SIMC1: variants seen among roughly 807,000 people sequenced by gnomAD.
The protein encoded by SIMC1 is SUMO interacting motifs containing 1.
Under a neutral mutation model 82.3 loss-of-function variants are expected in SIMC1, and 55 were observed. The observed-to-expected ratio is 0.67, with a 90% CI of 0.54 to 0.84. The LOEUF is 0.84. Ranked by LOEUF, SIMC1 falls within the 40% of genes least tolerant of loss-of-function variation. The probability of loss-of-function intolerance (pLI) is 0.00; values close to 1 mark genes in which losing one functional copy is unlikely to be tolerated. For synonymous variants in SIMC1, 353 were observed against 426.3 expected (o/e 0.83, Z 2.12); for missense variants, 915 against 1,107.2 (o/e 0.83, Z 2.46).
chr5:176,324,791 T>A (rs779298779), intron 7 of SIMC1, 34 bp downstream of exon 7: 3 of 1,509,474 alleles, frequency 2.0e-6, no homozygotes, highest in Non-Finnish European at 2.6e-6. Context: ...GAGCAGTTAT[T>A]TAAAAAAAAA....
intron 5 of SIMC1, among the ~76,000 whole-genome samples, chr5:176,321,305 G>C (rs342013): frequency 6.6e-6 from 1 of 151,748 alleles, no homozygotes; most frequent in Non-Finnish European, 1.5e-5. Context: ...TATATTGATA[G>C]TCATATTCAT....
chr5:176,309,847 A>G (rs1764588465), intron 4 of SIMC1, among the ~76,000 whole-genome samples: 1 of 152,144 alleles, frequency 6.6e-6, no homozygotes, highest in Admixed American at 6.5e-5. Flanking sequence ...AGGCAGGAGG[A>G]TCACTTGAGC....
intron 1 of SIMC1, among the ~76,000 whole-genome samples, chr5:176,269,282 AGATT>A (rs1343843972): frequency 1.3e-5 from 2 of 152,152 alleles, no homozygotes; most frequent in African/African-American, 2.4e-5. Context: ...ATATCTAGCT[AGATT>A]GATCAGGGAT....
At position 176,336,634 on chromosome 5, in the gene SIMC1, ATGT is replaced by A. The variant is rs1765907990; in HGVS notation, c.2172-82_2172-80del. The A allele has an allele frequency of 2.6e-6, 4 of 1,527,750 alleles. 1 individual carries two copies. In the South Asian group the frequency reaches 3.8e-5, roughly 14 times the overall value. 94.6% of individuals were successfully genotyped at this position (1,527,750 alleles called of 1,614,324 possible). On this transcript the variant is annotated intron_variant, in intron 7 of 9. Coordinates refer to ENST00000429602, the MANE Select transcript of SIMC1 (RefSeq NM_001308195.2). ...TTCTTAACTGTCTTTTTTAGGACAAATGTTGTACATTCAGGGTGAATTGTGGCT... is the reference window on the plus strand; with the variant it reads ...TTCTTAACTGTCTTTTTTAGGACAAATGTACATTCAGGGTGAATTGTGGCT...
At chr5:176,248,610 C>T (rs542504961) in intron 1 of SIMC1, among the ~76,000 whole-genome samples, 1 of 152,196 alleles carries the variant, frequency 6.6e-6, no homozygotes, top group African/African-American at 2.4e-5. Context: ...CTTTCTCTTG[C>T]CTGATTTCCC....
chr5:176,333,161 G>A (rs1169132815), intron 7 of SIMC1, among the ~76,000 whole-genome samples: 3 of 151,894 alleles, frequency 2.0e-5, no homozygotes, highest in South Asian at 4.2e-4. Context: ...AAAATTAGCT[G>A]GGCGTGGTGG....
chr5:176,276,895 C>G (rs1259263519), intron 1 of SIMC1, among the ~76,000 whole-genome samples: 1 of 149,962 alleles, frequency 6.7e-6, no homozygotes, highest in Non-Finnish European at 1.5e-5. Flanking sequence ...GTGAATAATG[C>G]CGCAGTAAAC....
intron 1 of SIMC1, among the ~76,000 whole-genome samples, chr5:176,273,508 A>T (rs1166579582): frequency 6.6e-6 from 1 of 152,136 alleles, no homozygotes; most frequent in East Asian, 1.9e-4. Flanking sequence ...GCTGAAAAAA[A>T]AATTTTTTTT....
At position 176,299,132 on chromosome 5, in the gene SIMC1, G is replaced by A. The variant is rs187625752; in HGVS notation, c.1734+2812G>A. The stretch of plus-strand genomic sequence containing the variant: ...CTTGTGGCCAGGTGCAATGGCTCAC[G>A]CCTGTAATTCCAGCACTTTGGGAGA... On this transcript the variant is annotated intron_variant, in intron 4 of 9. Transcript: ENST00000429602. 3.5e-4 allele frequency among the ~76,000 whole-genome samples: 53 copies of A among 152,338 alleles called. No individual in the cohort carries two copies. In the East Asian group the frequency reaches 8.1e-3, roughly 23 times the overall value.
At chr5:176,287,683 AAAAAT>A (rs1160186716) in intron 1 of SIMC1, among the ~76,000 whole-genome samples, 3 of 151,862 alleles carry the variant, frequency 2.0e-5, no homozygotes, top group African/African-American at 7.2e-5. Flanking sequence ...AAACACTTAA[AAAAAT>A]AAAATAAATT....
chr5:176,263,349 T>C, intron 1 of SIMC1: 2 of 1,260,862 alleles, frequency 1.6e-6, no homozygotes, highest in Middle Eastern at 2.8e-4. Context: ...TTTGCATTGC[T>C]GTAAGGGAAT....
At chr5:176,333,460 A>G (rs982048197) in intron 7 of SIMC1, among the ~76,000 whole-genome samples, 3 of 151,250 alleles carry the variant, frequency 2.0e-5, no homozygotes, top group South Asian at 2.1e-4. Flanking sequence ...ATAGGGTCTC[A>G]CTCTGTCGCC....
Position 176,296,340 on chromosome 5 carries a change from T to C in SIMC1, c.1734+20T>C. The C allele has an allele frequency of 6.2e-7, 1 of 1,612,956 alleles. No individual in the cohort carries two copies. Among genetic ancestry groups the C allele is most frequent in the Non-Finnish European group, 8.5e-7 (1 of 1,179,280 alleles). ...GAAGAGGTAACAACAATTATAAGATTATATCTTCTGTAGGGGAAGTTTTAA... is the reference window on the plus strand; with the variant it reads ...GAAGAGGTAACAACAATTATAAGATCATATCTTCTGTAGGGGAAGTTTTAA... On this transcript the variant is annotated intron_variant, in intron 4 of 9. Coordinates refer to ENST00000429602, the MANE Select transcript of SIMC1 (RefSeq NM_001308195.2).
rs112798367 is a variant in SIMC1 at position 176,282,278 on chromosome 5, G to A, written c.130-7376G>A. Among the ~76,000 whole-genome samples the A allele has an allele frequency of 9.9e-5, 15 of 152,276 alleles. 2 individuals carry two copies. Among genetic ancestry groups the A allele is most frequent in the African/African-American group, 3.4e-4 (14 of 41,566 alleles). ...TCCTGGTGCGCCCTTTTTTAAGCCCGTCGGAAAAGCGCAGTATTAGGGTGG... is the reference window on the plus strand; with the variant it reads ...TCCTGGTGCGCCCTTTTTTAAGCCCATCGGAAAAGCGCAGTATTAGGGTGG... On this transcript the variant is annotated intron_variant, in intron 1 of 9. Transcript: ENST00000429602.
chr5:176,279,015 A>G (rs1268857019), intron 1 of SIMC1, among the ~76,000 whole-genome samples: 1 of 152,218 alleles, frequency 6.6e-6, no homozygotes, highest in Non-Finnish European at 1.5e-5. Context: ...GAATAGTTTC[A>G]GAAGGAGTGG....
In SIMC1 at chr5:176,324,738, A is replaced by G. The variant is rs759762997; in HGVS notation, c.2152A>G (p.Ile718Val). The G allele has an allele frequency of 6.3e-7, 1 of 1,597,684 alleles. No homozygotes were observed. The highest frequency in any genetic ancestry group is 1.1e-5 in the South Asian group (1 of 88,210). Residue 718 changes from isoleucine (I) to valine (V), a missense_variant, in exon 7 of 10, where the codon ATT becomes GTT. Around this residue, in one of 2 missense-constraint regions of SIMC1, gnomAD observed 902 missense variants for 1,040.3 expected, o/e 0.87. Transcript: ENST00000429602. The part of the protein sequence containing the change: ...AEMMFGFVLD[I>V]PERSQREMFF... Reference sequence around the variant, plus strand: ...GATGATGTTTGGGTTTGTGCTGGACATTCCTGAGAGGAGCCAGAGGTGAGT... The same window carrying G: ...GATGATGTTTGGGTTTGTGCTGGACGTTCCTGAGAGGAGCCAGAGGTGAGT...
Position 176,290,252 on chromosome 5 carries a change from C to G in SIMC1, c.728C>G (p.Pro243Arg), listed in dbSNP as rs769835733. ...TGTCCACCACGAGCCTCCTCATGCC[C>G]ACCACGAGCCTTGTCATGCCCATCA... is the stretch of plus-strand genomic sequence containing the variant. The part of the protein sequence containing the change: ...SPCPPRASSC[P>R]PRALSCPSQT... The change falls in exon 2 of 10, where the codon CCA (proline) becomes CGA (arginine). Residue 243 changes from proline to arginine, a missense_variant. Coordinates refer to ENST00000429602, the MANE Select transcript of SIMC1 (RefSeq NM_001308195.2). 7 of 1,613,722 alleles carry G rather than the reference C, an allele frequency of 4.3e-6. No homozygotes were observed. In the East Asian group the frequency reaches 1.6e-4, roughly 36 times the overall value.
At chr5:176,267,936 G>A (rs867286002) in intron 1 of SIMC1, among the ~76,000 whole-genome samples, 24 of 151,004 alleles carry the variant, frequency 1.6e-4, no homozygotes, top group African/African-American at 5.1e-4. Flanking sequence ...TTTTTGTAGG[G>A]ATGGAGTTTC....
At chr5:176,344,856 C>G (rs561376052) in intron 9 of SIMC1, among the ~76,000 whole-genome samples, 1 of 152,290 alleles carries the variant, frequency 6.6e-6, no homozygotes, top group African/African-American at 2.4e-5. Flanking sequence ...ATGTTAAATA[C>G]TATTGGCTAA....
Sources: gnomAD v4.1 joint callset for allele counts (sites outside exome capture counted in the v4.1 genomes callset) on GRCh38, gnomAD v4.1.1 for gene constraint, gnomAD v4.1.1 regional missense constraint, MANE v1.5 for transcripts, NCBI Gene and HGNC (gene_info 2026-07-23, HGNC 2026-07-21) for gene names.